The following AKR1C3 variants were observed in gnomAD, a reference collection of about 807,000 sequenced individuals.
AKR1C3 encodes 3-alpha hydroxysteroid dehydrogenase, type II.
AKR1C3 carries 48 observed loss-of-function variants against 43.6 expected under a neutral mutation model. The observed-to-expected ratio is 1.10, with a 90% CI of 0.87 to 1.40. The LOEUF (loss-of-function observed/expected upper bound fraction) is 1.40, where lower values mean the gene tolerates loss of function less well. AKR1C3 is among the 40% of genes most tolerant of loss of function. AKR1C3 has a pLI of 0.00. For synonymous variants in AKR1C3, 162 were observed against 139.6 expected (o/e 1.16, Z -1.13); for missense variants, 482 against 391.2 (o/e 1.23, Z -1.96).
At chr10:5,058,949 T>C (rs1165136418) in intron 1 of AKR1C3, among the ~76,000 whole-genome samples, 1 of 152,184 alleles carries the variant, frequency 6.6e-6, no homozygotes, top group Admixed American at 6.5e-5. Context: ...CCTGTAAAGA[T>C]GTTATGCCCC....
rs556785342 is a variant in AKR1C3 at position 5,076,755 on chromosome 10, C to T, written c.85-19655C>T. ...GACATATCGTAAAACTCACTTGATT[C>T]CTCACTGTCATGCATAGAGCTCTGT... On this transcript the variant is annotated intron_variant, in intron 1 of 8. Coordinates refer to the AKR1C3 transcript ENST00000439082. Among the ~76,000 whole-genome samples the T allele has an allele frequency of 2.0e-5, 3 of 152,244 alleles. No individual in the cohort carries two copies. In the South Asian group the frequency reaches 6.2e-4, roughly 32 times the overall value.
intron 1 of AKR1C3, among the ~76,000 whole-genome samples, chr10:5,059,769 A>G (rs1838341720): frequency 6.6e-6 from 1 of 152,146 alleles, no homozygotes; most frequent in Non-Finnish European, 1.5e-5. Context: ...GCTCAGTGAT[A>G]GCTGATGGTC....
At chr10:5,080,214 A>T (rs1332013922) in intron 1 of AKR1C3, among the ~76,000 whole-genome samples, 1 of 152,098 alleles carries the variant, frequency 6.6e-6, no homozygotes, top group East Asian at 1.9e-4. Flanking sequence ...GAAACACTGT[A>T]TGGGAATGTG....
chr10:5,070,105 C>CA lies in AKR1C3; in HGVS notation c.84+21211dup, dbSNP rs1248319070. Among the ~76,000 whole-genome samples the CA allele has an allele frequency of 1.8e-4, 27 of 152,340 alleles. 1 individual carries two copies. In the East Asian group the frequency reaches 5.2e-3, roughly 29 times the overall value. On this transcript the variant is annotated intron_variant, in intron 1 of 8. Coordinates refer to the AKR1C3 transcript ENST00000439082. ...TGACGGTTAGGTGCCTTCACATGGA[C>CA]ACCCTTAGTTTTCACTGGCCATAGC...
intron 1 of AKR1C3, among the ~76,000 whole-genome samples, chr10:5,061,408 T>C (rs76041312): frequency 0.02 from 3,116 of 152,106 alleles, 111 homozygotes; most frequent in African/African-American, 0.072. Context: ...TCCAGCAGTG[T>C]GGAGATCAGA....
intron 1 of AKR1C3, among the ~76,000 whole-genome samples, chr10:5,076,862 G>A (rs1207837717): frequency 6.6e-6 from 1 of 152,096 alleles, no homozygotes; most frequent in Admixed American, 6.5e-5. Context: ...GCACATTCCT[G>A]TTTTAAACAG....
At chr10:5,056,673 A>G (rs977439460) in intron 1 of AKR1C3, among the ~76,000 whole-genome samples, 24 of 152,218 alleles carry the variant, frequency 1.6e-4, no homozygotes, top group African/African-American at 5.8e-4. Context: ...TCCAATGCCC[A>G]GACTTCAGGG....
chr10:5,054,012 A>T (rs531453313), intron 1 of AKR1C3, among the ~76,000 whole-genome samples: 2 of 152,262 alleles, frequency 1.3e-5, no homozygotes, highest in East Asian at 3.9e-4. Context: ...ATGTTGCCCA[A>T]CTCCAGAGGT....
At chr10:5,050,965 T>C (rs1838140928) in intron 1 of AKR1C3, among the ~76,000 whole-genome samples, 2 of 152,252 alleles carry the variant, frequency 1.3e-5, no homozygotes, top group African/African-American at 4.8e-5. Flanking sequence ...CCTCTTCTTC[T>C]TCAAAGTAGG....
intron 1 of AKR1C3, among the ~76,000 whole-genome samples, chr10:5,064,533 G>C (rs1178152769): frequency 1.3e-5 from 2 of 152,040 alleles, no homozygotes; most frequent in Non-Finnish European, 2.9e-5. Flanking sequence ...AGACAAGTGG[G>C]ACCTAATAAA....
intron 3 of AKR1C3, chr10:5,097,775 T>C (rs955041536): frequency 1.0e-4 from 131 of 1,286,906 alleles, no homozygotes; most frequent in Non-Finnish European, 1.3e-4. Context: ...CAAAGCCTCT[T>C]CCTCAAAAAC....
upstream of AKR1C3, among the ~76,000 whole-genome samples, chr10:5,091,432 A>G (rs72774009): frequency 0.071 from 10,850 of 152,174 alleles, 453 homozygotes; most frequent in African/African-American, 0.089. Context: ...CATATCTCTA[A>G]TGTTAGGTAA....
intron 1 of AKR1C3, among the ~76,000 whole-genome samples, chr10:5,086,125 A>G (rs1239084887): frequency 4.6e-5 from 7 of 151,578 alleles, no homozygotes; most frequent in Non-Finnish European, 1.0e-4. Flanking sequence ...TAGCTTTTGA[A>G]TATGTTTGCT....
At chr10:5,050,851 G>T (rs571908744) in intron 1 of AKR1C3, among the ~76,000 whole-genome samples, 1 of 152,256 alleles carries the variant, frequency 6.6e-6, no homozygotes. Context: ...GTTTCATAAG[G>T]TAGGCAGGCA....
chr10:5,056,876 C>A (rs1838272987), intron 1 of AKR1C3, among the ~76,000 whole-genome samples: 1 of 152,304 alleles, frequency 6.6e-6, no homozygotes, highest in East Asian at 1.9e-4. Context: ...ATACCTGGTG[C>A]CAGGCTGTCC....
At chr10:5,060,833 G>T (rs1197688991) in intron 1 of AKR1C3, among the ~76,000 whole-genome samples, 1 of 152,228 alleles carries the variant, frequency 6.6e-6, no homozygotes, top group Non-Finnish European at 1.5e-5. Flanking sequence ...CCTGCCCTGT[G>T]GGGAGACAGC....
chr10:5,089,481 T>G (rs1554783780), upstream of AKR1C3, among the ~76,000 whole-genome samples: 1 of 152,164 alleles, frequency 6.6e-6, no homozygotes, highest in Non-Finnish European at 1.5e-5. Context: ...TGGATTAATT[T>G]GAAAGACTAG....
chr10:5,087,935 T>C (rs1269128373), intron 1 of AKR1C3, among the ~76,000 whole-genome samples: 1 of 152,094 alleles, frequency 6.6e-6, no homozygotes, highest in African/African-American at 2.4e-5. Flanking sequence ...GTTTGAGGTC[T>C]TTCTATCTTT....
intron 1 of AKR1C3, among the ~76,000 whole-genome samples, chr10:5,070,627 G>C (rs1028869264): frequency 6.6e-6 from 1 of 152,190 alleles, no homozygotes; most frequent in Admixed American, 6.5e-5. Flanking sequence ...CCTGTCTCCA[G>C]ACCCTATTTT....
Sources: allele counts gnomAD v4.1 joint callset (sites outside exome capture counted in the v4.1 genomes callset), GRCh38; gene constraint gnomAD v4.1.1; transcripts MANE v1.5; gene names NCBI Gene and HGNC (gene_info 2026-07-23, HGNC 2026-07-21).